The following TENM3 variants were observed in gnomAD, a reference collection of about 807,000 sequenced individuals.
TENM3 encodes teneurin-3.
In TENM3, 63 loss-of-function variants were observed where a neutral mutation model predicts 255.1. That is an observed-to-expected ratio of 0.25 (90% confidence interval 0.20 to 0.30). TENM3 has a LOEUF of 0.30. Among genes scored for constraint, TENM3 ranks in the 10% least tolerant of loss-of-function variants. The probability of loss-of-function intolerance (pLI) is 1.00; values close to 1 mark genes in which losing one functional copy is unlikely to be tolerated. For missense variants in TENM3, 2,929 were observed against 3,461.1 expected, an observed-to-expected ratio of 0.85 and a Z score of 3.86; for synonymous variants, 1,306 against 1,322.3, an observed-to-expected ratio of 0.99 and a Z score of 0.27.
At chr4:181,731,328 A>C in the TENM3 span, among the ~76,000 whole-genome samples, 1 of 152,116 alleles carries the variant, frequency 6.6e-6, no homozygotes, top group Non-Finnish European at 1.5e-5. Flanking sequence ...TATTTTATAA[A>C]CTTCAGCTAA....
the TENM3 span, among the ~76,000 whole-genome samples, chr4:181,465,652 A>G: frequency 2.4e-4 from 36 of 152,326 alleles, no homozygotes; most frequent in African/African-American, 8.2e-4. Context: ...TTTTGTAGGC[A>G]TATATAGCCA....
intron 3 of TENM3, among the ~76,000 whole-genome samples, chr4:182,433,014 A>G (rs1435480626): frequency 1.3e-5 from 2 of 152,118 alleles, no homozygotes; most frequent in Non-Finnish European, 2.9e-5. Context: ...CTATTTTTAA[A>G]CAGGTGTTTC....
chr4:181,888,507 T>TATATATATATATATATATAC, the TENM3 span, among the ~76,000 whole-genome samples: 1 of 30,104 alleles, frequency 3.3e-5, no homozygotes, highest in South Asian at 1.4e-3. Context: ...TATATATATA[T>TATATATATATATATATATAC]ATATATATGT....
At chr4:181,817,883 A>T in the TENM3 span, among the ~76,000 whole-genome samples, 2 of 152,208 alleles carry the variant, frequency 1.3e-5, no homozygotes, top group African/African-American at 4.8e-5. Flanking sequence ...CTGTTATAGC[A>T]GCACAAACAG....
chr4:181,549,684 T>A, the TENM3 span, among the ~76,000 whole-genome samples: 6 of 152,184 alleles, frequency 3.9e-5, no homozygotes, highest in Admixed American at 6.5e-5. Context: ...GGAAAACACA[T>A]AATAGGCTCT....
At chr4:181,813,389 G>A in the TENM3 span, among the ~76,000 whole-genome samples, 5 of 152,256 alleles carry the variant, frequency 3.3e-5, no homozygotes, top group African/African-American at 7.2e-5. Flanking sequence ...AATCAAGCAC[G>A]TTGCCCAAAG....
rs2152844045 is a variant in TENM3, at chr4:182,802,708, G to T, written c.*2357G>T. Reference sequence around the variant, plus strand: ...TAATGAGCCTATTTCTTTCTAAAAAGACTTGTGATCTGGACATGCTTTTAC... The same window carrying T: ...TAATGAGCCTATTTCTTTCTAAAAATACTTGTGATCTGGACATGCTTTTAC... On this transcript the variant is annotated 3_prime_UTR_variant, in exon 28 of 28. Transcript: ENST00000511685. The T allele has an allele frequency of 6.7e-6, 1 of 150,114 alleles. No homozygotes were observed. Among genetic ancestry groups the T allele is most frequent in the South Asian group, 2.1e-4 (1 of 4,776 alleles). The allele number at this position is 150,114 out of a possible 1,614,324, so 9.3% of individuals were successfully genotyped here.
chr4:182,470,096 C>T (rs555417075), intron 3 of TENM3, among the ~76,000 whole-genome samples: 29 of 152,116 alleles, frequency 1.9e-4, no homozygotes, highest in East Asian at 3.9e-4. Flanking sequence ...TAAAAAAGTA[C>T]GAAACCATTT....
intron 5 of TENM3, among the ~76,000 whole-genome samples, chr4:182,636,926 T>A (rs1488085580): frequency 6.6e-6 from 1 of 152,176 alleles, no homozygotes; most frequent in Non-Finnish European, 1.5e-5. Context: ...AAACTATCAT[T>A]TTTGCAAAAC....
chr4:182,430,786 C>T (rs1285238910), intron 3 of TENM3, among the ~76,000 whole-genome samples: 3 of 151,608 alleles, frequency 2.0e-5, no homozygotes, highest in African/African-American at 4.8e-5. Context: ...CCGAGGCGGG[C>T]GGATCACCTG....
the TENM3 span, among the ~76,000 whole-genome samples, chr4:181,720,300 AT>A: frequency 2.6e-5 from 4 of 152,154 alleles, no homozygotes; most frequent in Non-Finnish European, 4.4e-5. Context: ...GTACTGTTAT[AT>A]TTTTCCCATT....
At chr4:181,979,726 C>G in the TENM3 span, among the ~76,000 whole-genome samples, 1 of 152,216 alleles carries the variant, frequency 6.6e-6, no homozygotes, top group Non-Finnish European at 1.5e-5. Context: ...TCATCTCACT[C>G]AGCCCTATAA....
At chr4:181,879,921 A>C in the TENM3 span, among the ~76,000 whole-genome samples, 1 of 152,226 alleles carries the variant, frequency 6.6e-6, no homozygotes, top group Non-Finnish European at 1.5e-5. Flanking sequence ...TTGGATTTTA[A>C]AAATAAAATA....
intron 3 of TENM3, among the ~76,000 whole-genome samples, chr4:182,523,344 T>C (rs990193484): frequency 6.6e-6 from 1 of 152,136 alleles, no homozygotes; most frequent in African/African-American, 2.4e-5. Flanking sequence ...ACTCACTGTT[T>C]CTCCTTTCTG....
chr4:181,774,168 C>T, the TENM3 span, among the ~76,000 whole-genome samples: 42 of 83,666 alleles, frequency 5.0e-4, 1 homozygote, highest in Non-Finnish European at 1.6e-4. Context: ...CCTCCCCCCT[C>T]CCCCGACCCC....
At chr4:181,801,651 A>AATACAT in the TENM3 span, among the ~76,000 whole-genome samples, 1 of 80,948 alleles carries the variant, frequency 1.2e-5, no homozygotes, top group Non-Finnish European at 2.7e-5. Flanking sequence ...AGAATTGTAA[A>AATACAT]ATATATATAT....
the TENM3 span, among the ~76,000 whole-genome samples, chr4:181,856,913 G>A: frequency 6.6e-6 from 1 of 152,188 alleles, no homozygotes; most frequent in East Asian, 1.9e-4. Context: ...TGGGTTTCAG[G>A]GCTTATTCTG....
chr4:181,605,592 A>AGAAAGAAAGAAAGAAAAAGAAAG, the TENM3 span, among the ~76,000 whole-genome samples: 1 of 115,940 alleles, frequency 8.6e-6, no homozygotes, highest in Non-Finnish European at 2.0e-5. Flanking sequence ...AAGGAAAGAA[A>AGAAAGAAAGAAAGAAAAAGAAAG]GAAAGAAAGA....
chr4:181,600,852 A>C, the TENM3 span, among the ~76,000 whole-genome samples: 1 of 152,022 alleles, frequency 6.6e-6, no homozygotes, highest in East Asian at 1.9e-4. Context: ...GAAAAAAAAA[A>C]AACAAAGCTT....
Sources: gnomAD v4.1 joint callset for allele counts (sites outside exome capture counted in the v4.1 genomes callset) on GRCh38, gnomAD v4.1.1 for gene constraint, MANE v1.5 for transcripts, NCBI Gene and HGNC (gene_info 2026-07-23, HGNC 2026-07-21) for gene names.